Variants in SIM2 observed in about 807,000 individuals in gnomAD.
SIM2 encodes the protein SIM bHLH transcription factor 2.
SIM2 carries 28 observed loss-of-function variants against 64.8 expected under a neutral mutation model. The observed-to-expected ratio is 0.43, with a 90% confidence interval of 0.32 to 0.59. The LOEUF is 0.59. SIM2 is among the 20% of genes least tolerant of loss of function. The probability of loss-of-function intolerance (pLI) is 0.07; values close to 1 mark genes in which losing one functional copy is unlikely to be tolerated. For missense variants in SIM2, 847 were observed against 871.4 expected (o/e 0.97, Z 0.35); for synonymous variants, 408 against 391.1 (o/e 1.04, Z -0.51).
intron 3 of SIM2, among the ~76,000 whole-genome samples, chr21:36,716,556 C>T (rs1278806764): frequency 6.6e-6 from 1 of 152,126 alleles, no homozygotes; most frequent in East Asian, 1.9e-4. Flanking sequence ...GAAACCCAAA[C>T]CATCTTGTTT....
chr21:36,710,512 C>T (rs9977521), intron 2 of SIM2: 82,695 of 152,014 alleles, frequency 0.54, 23,300 homozygotes, highest in East Asian at 0.66. Flanking sequence ...TTCATTCCCC[C>T]CTCCTGTCAT....
Position 36,731,131 on chromosome 21 carries a change from T to C in SIM2, c.830T>C (p.Leu277Pro). 1 of 1,613,754 alleles carries C rather than the reference T, an allele frequency of 6.2e-7. No individual in the cohort carries two copies. Among genetic ancestry groups the C allele is most frequent in the South Asian group, 1.1e-5 (1 of 91,062 alleles). ...GTGCACGGCTGCGACGTGTTCCACC[T>C]CCGCTACGCACACCACCTCCGTGAG... ...HHVHGCDVFH[L>P]RYAHHLLLVK... Residue 277 changes from leucine (L) to proline (P), a missense_variant, in exon 7 of 11, where the codon CTC becomes CCC. Physicochemically the swap from Leu to Pro is moderately conservative, Grantham distance 98. Around this residue, in one of 3 missense-constraint regions of SIM2, gnomAD observed 397 missense variants for 439.2 expected, o/e 0.90. Transcript: ENST00000290399.
chr21:36,703,091 C>A (rs375909958), intron 1 of SIM2, among the ~76,000 whole-genome samples: 1 of 152,184 alleles, frequency 6.6e-6, no homozygotes, highest in Non-Finnish European at 1.5e-5. Context: ...GCTGCCACTG[C>A]GGTCCTGTGG....
Position 36,745,243 on chromosome 21 carries a change from G to A in SIM2, c.1576+107G>A. ...TGGAGACAGAACCCTCACGCTTTGGGCAAACTTGCCCTCTTTCTGCTTCTA... is the reference window on the plus strand; with the variant it reads ...TGGAGACAGAACCCTCACGCTTTGGACAAACTTGCCCTCTTTCTGCTTCTA... On this transcript the variant is annotated intron_variant, in intron 10 of 10. Coordinates refer to ENST00000290399, the MANE Select transcript of SIM2 (RefSeq NM_005069.6). The surrounding 1 kb of genome is among the most constrained non-coding windows in gnomAD (Gnocchi z 4.8). 6.8e-7 allele frequency: 1 copy of A among 1,474,784 alleles called. No individual in the cohort carries two copies. The highest frequency in any genetic ancestry group is 1.4e-5 in the South Asian group (1 of 69,794). 91.4% of individuals were successfully genotyped at this position (1,474,784 alleles called of 1,614,324 possible). A position where few individuals can be genotyped will look rare whatever the true frequency, so the allele number is the denominator to read the frequency against.
Position 36,747,646 on chromosome 21 carries a change from G to T in SIM2, c.1577-19G>T. On this transcript the variant is annotated intron_variant, in intron 10 of 10. Transcript: ENST00000290399. The surrounding 1 kb of genome is among the most constrained non-coding windows in gnomAD (Gnocchi z 4.5). ...GCCGCGCCCCTTGCTGCCCTCTAACGTGTCGCCTGTCCCCGCAGCGCCCGC... is the reference window on the plus strand; with the variant it reads ...GCCGCGCCCCTTGCTGCCCTCTAACTTGTCGCCTGTCCCCGCAGCGCCCGC... 8.1e-7 allele frequency: 1 copy of T among 1,236,324 alleles called. No homozygotes were observed. The highest frequency in any genetic ancestry group is 1.0e-6 in the Non-Finnish European group (1 of 990,820). The allele number at this position is 1,236,324 out of a possible 1,614,324, so 76.6% of individuals were successfully genotyped here. A position where few individuals can be genotyped will look rare whatever the true frequency, so the allele number is the denominator to read the frequency against.
chr21:36,740,009 G>GAGAGAAAGAA (rs2089136307), intron 7 of SIM2, among the ~76,000 whole-genome samples: 2 of 131,234 alleles, frequency 1.5e-5, no homozygotes, highest in African/African-American at 6.1e-5. Flanking sequence ...GAAAGAAAGA[G>GAGAGAAAGAA]AGAAAGAAAG....
chr21:36,703,642 A>G (rs2088537197), intron 1 of SIM2, among the ~76,000 whole-genome samples: 2 of 152,234 alleles, frequency 1.3e-5, no homozygotes, highest in Admixed American at 6.5e-5. Flanking sequence ...ACAGGAGACC[A>G]CGGCTGACTT....
At chr21:36,727,571 G>A (rs2123466911) in intron 6 of SIM2, among the ~76,000 whole-genome samples, 1 of 152,268 alleles carries the variant, frequency 6.6e-6, no homozygotes, top group Admixed American at 6.5e-5. Flanking sequence ...ATAATAGACG[G>A]AAGCATTGGA....
intron 1 of SIM2, among the ~76,000 whole-genome samples, chr21:36,705,059 C>T (rs1322029994): frequency 1.3e-5 from 2 of 152,186 alleles, no homozygotes; most frequent in Non-Finnish European, 2.9e-5. Flanking sequence ...AGAACCTGGC[C>T]CCAAACTCCC....
intron 5 of SIM2, among the ~76,000 whole-genome samples, chr21:36,725,559 A>G (rs1326759003): frequency 2.6e-5 from 4 of 151,980 alleles, no homozygotes; most frequent in Non-Finnish European, 4.4e-5. Context: ...CATATATGAC[A>G]GGGCCCTAAT....
Position 36,699,554 on chromosome 21 carries a change from C to G in SIM2, c.-193C>G. 1 of 444,820 alleles carries G rather than the reference C, an allele frequency of 2.2e-6. No homozygotes were observed. Among genetic ancestry groups the G allele is most frequent in the Non-Finnish European group, 3.8e-6 (1 of 259,804 alleles). 27.6% of individuals were successfully genotyped at this position (444,820 alleles called of 1,614,324 possible). On this transcript the variant is annotated 5_prime_UTR_variant, in exon 1 of 11. Coordinates refer to ENST00000290399, the MANE Select transcript of SIM2 (RefSeq NM_005069.6). This position sits in a 1 kb window ranked among gnomAD's most constrained non-coding sequence, Gnocchi z 5.6. ...AGCGGCGGGCGGCGCCGCCGGGTTG[C>G]TCGGAGCTCAGGCCCGGCGGCTGCG...
intron 7 of SIM2, among the ~76,000 whole-genome samples, chr21:36,734,176 T>C (rs2089013059): frequency 6.6e-6 from 1 of 152,184 alleles, no homozygotes; most frequent in African/African-American, 2.4e-5. Flanking sequence ...TGTGGGCTGG[T>C]GGCTGTTCTG....
At chr21:36,739,294 CA>C (rs1282739659) in intron 7 of SIM2, among the ~76,000 whole-genome samples, 2 of 152,044 alleles carry the variant, frequency 1.3e-5, no homozygotes, top group African/African-American at 2.4e-5. Flanking sequence ...AATTGAGTCA[CA>C]GGGGGGTTGG....
Position 36,699,622 on chromosome 21 carries a change from G to A in SIM2, c.-125G>A. 3 of 1,090,706 alleles carry A rather than the reference G, an allele frequency of 2.8e-6. No individual in the cohort carries two copies. Among genetic ancestry groups the A allele is most frequent in the Non-Finnish European group, 3.8e-6 (3 of 797,802 alleles). The allele number at this position is 1,090,706 out of a possible 1,614,324, so 67.6% of individuals were successfully genotyped here. ...CCCGGGAGGCCCCCCGCACCTGCCC[G>A]CGGCCCACTCCGCGGACTCACCTGG... is the stretch of plus-strand genomic sequence containing the variant. On this transcript the variant is annotated 5_prime_UTR_variant, in exon 1 of 11. Coordinates refer to ENST00000290399, the MANE Select transcript of SIM2 (RefSeq NM_005069.6). This position sits in a 1 kb window ranked among gnomAD's most constrained non-coding sequence, Gnocchi z 5.6.
At chr21:36,706,258 A>G (rs1362767898) in intron 1 of SIM2, among the ~76,000 whole-genome samples, 7 of 152,082 alleles carry the variant, frequency 4.6e-5, no homozygotes, top group Admixed American at 4.6e-4. Context: ...CTTTCCCTCC[A>G]TTTCTCCCTG....
At chr21:36,730,978 A>C in intron 6 of SIM2, 67 bp from the exon 7 acceptor site, 1 of 1,159,326 alleles carries the variant, frequency 8.6e-7, no homozygotes, top group Non-Finnish European at 1.3e-6. Flanking sequence ...TGGCAAAACC[A>C]ATATTAGTTT....
chr21:36,748,344 G>T lies in SIM2; in HGVS notation c.*252G>T. ...GGCCGGTGCGACCCAGTTGCTGGGGGCTTGGTTTCCTCACCTTGAAATCGG... is the reference window on the plus strand; with the variant it reads ...GGCCGGTGCGACCCAGTTGCTGGGGTCTTGGTTTCCTCACCTTGAAATCGG... On this transcript the variant is annotated 3_prime_UTR_variant, in exon 11 of 11. Transcript: ENST00000290399. The T allele has an allele frequency of 5.2e-6, 1 of 192,964 alleles. No homozygotes were observed. The highest frequency in any genetic ancestry group is 1.9e-4 in the South Asian group (1 of 5,190). 12.0% of individuals were successfully genotyped at this position (192,964 alleles called of 1,614,324 possible).
intron 1 of SIM2, chr21:36,701,662 C>G (rs2088499880): frequency 6.6e-6 from 1 of 152,426 alleles, no homozygotes; most frequent in African/African-American, 2.4e-5. Flanking sequence ...GTCCCAGCCC[C>G]TCCAGCTGAG....
At chr21:36,704,996 G>A (rs750639334) in intron 1 of SIM2, among the ~76,000 whole-genome samples, 3 of 152,246 alleles carry the variant, frequency 2.0e-5, no homozygotes, top group Non-Finnish European at 4.4e-5. Flanking sequence ...TCCTTTTGTG[G>A]GGAAAGGAGG....
Sources: allele counts gnomAD v4.1 joint callset (sites outside exome capture counted in the v4.1 genomes callset), GRCh38; gene constraint gnomAD v4.1.1; regional missense constraint gnomAD v4.1.1; non-coding constraint Gnocchi (gnomAD v3.1); transcripts MANE v1.5; gene names NCBI Gene and HGNC (gene_info 2026-07-23, HGNC 2026-07-21).